The following SLC38A6 variants were observed in gnomAD, a reference collection of about 807,000 sequenced individuals.
The protein encoded by SLC38A6 is N system amino acid transporter NAT-1.
SLC38A6 carries 73 observed loss-of-function variants against 65.0 expected under a neutral mutation model. That is an observed-to-expected ratio of 1.12 (90% CI 0.93 to 1.37). SLC38A6 has a LOEUF of 1.37. Ranked by LOEUF, SLC38A6 falls within the 40% of genes most tolerant of loss-of-function variation. The probability of loss-of-function intolerance (pLI) is 0.00; values close to 1 mark genes in which losing one functional copy is unlikely to be tolerated. For missense variants in SLC38A6, 561 were observed against 531.1 expected (o/e 1.06, Z -0.55); for synonymous variants, 183 against 178.8 (o/e 1.02, Z -0.19).
intron 2 of SLC38A6, 146 bp from the exon 3 acceptor site, chr14:60,984,584 C>T (rs1199897414): frequency 7.1e-5 from 37 of 519,590 alleles, no homozygotes. Context: ...AAAGTATCTT[C>T]TTAATTTCCT....
intron 5 of SLC38A6, among the ~76,000 whole-genome samples, chr14:61,021,479 A>G (rs2040342919): frequency 6.6e-6 from 1 of 152,166 alleles, no homozygotes; most frequent in Non-Finnish European, 1.5e-5. Flanking sequence ...GATAATGAGG[A>G]TGGCCTACAT....
chr14:61,047,383 A>G (rs181754353), intron 12 of SLC38A6, among the ~76,000 whole-genome samples: 4 of 152,164 alleles, frequency 2.6e-5, no homozygotes, highest in Non-Finnish European at 5.9e-5. Context: ...AGACAGTGTC[A>G]GGTATTTTAT....
chr14:61,078,841 G>C (rs1009730829), exon 16 of SLC38A6: 3 of 216,028 alleles, frequency 1.4e-5, no homozygotes, highest in Non-Finnish European at 2.8e-5. Context: ...TTGGCGTGCA[G>C]TGGTGTGATC....
intron 3 of SLC38A6, among the ~76,000 whole-genome samples, chr14:60,989,126 T>C (rs1720711374): frequency 6.6e-6 from 1 of 152,196 alleles, no homozygotes; most frequent in South Asian, 2.1e-4. Flanking sequence ...ATAGAAGCAA[T>C]CATAAAAGAA....
At chr14:60,994,435 C>T (rs1394693281) in intron 3 of SLC38A6, among the ~76,000 whole-genome samples, 1 of 152,064 alleles carries the variant, frequency 6.6e-6, no homozygotes, top group African/African-American at 2.4e-5. Context: ...ATCCCAGCTA[C>T]TCAGGAGGCT....
intron 3 of SLC38A6, among the ~76,000 whole-genome samples, chr14:60,995,347 A>G (rs528140214): frequency 6.6e-6 from 1 of 152,346 alleles, no homozygotes; most frequent in East Asian, 1.9e-4. Flanking sequence ...ACATTATGCT[A>G]AATGAAATGA....
At chr14:61,013,152 C>G (rs535509849) in intron 3 of SLC38A6, among the ~76,000 whole-genome samples, 1 of 152,238 alleles carries the variant, frequency 6.6e-6, no homozygotes, top group African/African-American at 2.4e-5. Context: ...CCTTCTTTGT[C>G]TCTTTTTATC....
chr14:61,036,775 C>A (rs989695254), intron 6 of SLC38A6, among the ~76,000 whole-genome samples: 1 of 152,038 alleles, frequency 6.6e-6, no homozygotes, highest in African/African-American at 2.4e-5. Flanking sequence ...CCTCATCACT[C>A]CTCACTAATG....
chr14:61,031,801 G>T (rs1032352621), intron 6 of SLC38A6, among the ~76,000 whole-genome samples: 1 of 151,922 alleles, frequency 6.6e-6, no homozygotes, highest in Non-Finnish European at 1.5e-5. Context: ...TTAGGGTTAA[G>T]AACTCAAGGC....
chr14:61,047,647 C>G (rs2042230002), intron 12 of SLC38A6, among the ~76,000 whole-genome samples: 2 of 152,010 alleles, frequency 1.3e-5, no homozygotes, highest in Admixed American at 6.6e-5. Flanking sequence ...CACTTAAGCT[C>G]TAGGCATCTA....
At chr14:61,012,483 C>G (rs1227951605) in intron 3 of SLC38A6, among the ~76,000 whole-genome samples, 2 of 152,078 alleles carry the variant, frequency 1.3e-5, no homozygotes, top group Non-Finnish European at 2.9e-5. Context: ...GTTAGGGTGT[C>G]AATTTTAGAT....
chr14:61,008,778 AT>A (rs1048275942), intron 3 of SLC38A6, among the ~76,000 whole-genome samples: 2 of 152,186 alleles, frequency 1.3e-5, no homozygotes, highest in South Asian at 4.1e-4. Context: ...TAAGAGTATT[AT>A]TTTTTGTGAA....
chr14:61,018,026 G>T (rs2040121632), intron 4 of SLC38A6, among the ~76,000 whole-genome samples: 1 of 152,034 alleles, frequency 6.6e-6, no homozygotes, highest in Non-Finnish European at 1.5e-5. Context: ...AATATTTATT[G>T]ATCAAATACT....
intron 1 of SLC38A6, chr14:60,982,194 C>T: frequency 2.1e-6 from 1 of 475,914 alleles, no homozygotes; most frequent in Non-Finnish European, 4.2e-6. Context: ...TATCCCTCCT[C>T]TCTCTCCCCA....
chr14:61,007,509 G>T (rs2039230224), intron 3 of SLC38A6, among the ~76,000 whole-genome samples: 1 of 152,074 alleles, frequency 6.6e-6, no homozygotes, highest in Non-Finnish European at 1.5e-5. Flanking sequence ...TGGTGTATTT[G>T]CATGTGCCTG....
rs573039383 is a variant in SLC38A6 at position 61,045,486 on chromosome 14, C to T, written c.824+61C>T. 13 of 1,243,154 alleles carry T rather than the reference C, an allele frequency of 1.0e-5. 1 individual carries two copies. The highest frequency in any genetic ancestry group is 6.0e-5 in the African/African-American group (4 of 66,358). The allele number at this position is 1,243,154 out of a possible 1,614,324, so 77.0% of individuals were successfully genotyped here. ...TGTATCTTTTTACCTCTAAGGCTTT[C>T]GGATTGAATGACATCCTCTTTTATT... On this transcript the variant is annotated intron_variant, in intron 11 of 15. Transcript: ENST00000267488.
chr14:61,040,303 C>G (rs1401183088), intron 8 of SLC38A6, among the ~76,000 whole-genome samples: 1 of 151,164 alleles, frequency 6.6e-6, no homozygotes, highest in African/African-American at 2.4e-5. Flanking sequence ...TCCTGAATCA[C>G]TAGAACTACA....
At position 60,981,249 on chromosome 14, in the gene SLC38A6, A is replaced by T; in HGVS notation, c.-29A>T. On this transcript the variant is annotated 5_prime_UTR_variant, in exon 1 of 16. The change abolishes an upstream ATG in the 5' untranslated region. Transcript: ENST00000267488. ...GCAGGGCAGGGGTAGAGGCTCGTAG[A>T]TGGAACTGGTAGTCAGCTGGAGAGC... 6.3e-7 allele frequency: 1 copy of T among 1,575,244 alleles called. No homozygotes were observed. The highest frequency in any genetic ancestry group is 8.6e-7 in the Non-Finnish European group (1 of 1,160,212).
At chr14:61,041,914 A>G (rs1247474069) in intron 8 of SLC38A6, among the ~76,000 whole-genome samples, 1 of 151,924 alleles carries the variant, frequency 6.6e-6, no homozygotes, top group Non-Finnish European at 1.5e-5. Flanking sequence ...AAAACAAGAA[A>G]AGAAACTGAA....
Sources: allele counts gnomAD v4.1 joint callset (sites outside exome capture counted in the v4.1 genomes callset), GRCh38; gene constraint gnomAD v4.1.1; transcripts MANE v1.5; gene names NCBI Gene and HGNC (gene_info 2026-07-23, HGNC 2026-07-21).